DPYD: variants seen among roughly 807,000 people sequenced by gnomAD.
The protein encoded by DPYD is dihydropyrimidine dehydrogenase [NADP(+)].
Under a neutral mutation model 116.2 loss-of-function variants are expected in DPYD, and 109 were observed. The observed-to-expected ratio is 0.94, with a 90% CI of 0.80 to 1.10. The LOEUF (loss-of-function observed/expected upper bound fraction) is 1.10. DPYD is among the 50% of genes least tolerant of loss of function. The probability of loss-of-function intolerance (pLI) is 0.00; values close to 1 mark genes in which losing one functional copy is unlikely to be tolerated. For synonymous variants in DPYD, 440 were observed against 432.0 expected (o/e 1.02, Z -0.23); for missense variants, 1,302 against 1,254.5 (o/e 1.04, Z -0.57).
In DPYD at chr1:97,593,207, T is replaced by C; in HGVS notation, c.1128+11A>G. ...AGTACAACTCCATATTTTCTGATGG[T>C]TCCATTTTACCTCCTCAGGGACAGC... On this transcript the variant is annotated intron_variant, in intron 10 of 22. Transcript: ENST00000370192. 2 of 1,613,846 alleles carry C rather than the reference T, an allele frequency of 1.2e-6. No homozygotes were observed. The highest frequency in any genetic ancestry group is 1.7e-6 in the Non-Finnish European group (2 of 1,179,956).
intron 3 of DPYD, among the ~76,000 whole-genome samples, chr1:97,800,183 T>C (rs1393761107): frequency 6.6e-6 from 1 of 152,000 alleles, no homozygotes; most frequent in Non-Finnish European, 1.5e-5. Flanking sequence ...TGAGTAAATA[T>C]ATGTAAAATA....
chr1:97,190,719 A>C (rs1034356218), intron 20 of DPYD, among the ~76,000 whole-genome samples: 1 of 152,206 alleles, frequency 6.6e-6, no homozygotes, highest in African/African-American at 2.4e-5. Context: ...TAATATGCTA[A>C]TTACTTGAAA....
At chr1:97,918,918 T>C (rs572932500) in intron 1 of DPYD, among the ~76,000 whole-genome samples, 3 of 152,302 alleles carry the variant, frequency 2.0e-5, no homozygotes, top group African/African-American at 2.4e-5. Context: ...TAGACAATGG[T>C]TGTAATGAAT....
At chr1:97,369,285 C>G (rs915968718) in intron 16 of DPYD, among the ~76,000 whole-genome samples, 1 of 152,018 alleles carries the variant, frequency 6.6e-6, no homozygotes, top group African/African-American at 2.4e-5. Flanking sequence ...CAGAGAAGCA[C>G]CTTGAGTCGC....
intron 20 of DPYD, among the ~76,000 whole-genome samples, chr1:97,135,523 C>T (rs920101999): frequency 2.6e-5 from 4 of 152,222 alleles, no homozygotes; most frequent in Admixed American, 6.5e-5. Context: ...ATAATTTCTG[C>T]TGTGTCTTAA....
At chr1:97,446,610 C>A (rs1676099955) in intron 14 of DPYD, among the ~76,000 whole-genome samples, 1 of 152,196 alleles carries the variant, frequency 6.6e-6, no homozygotes, top group Admixed American at 6.5e-5. Context: ...CCTTTTCTAT[C>A]TTCACTACCT....
intron 5 of DPYD, among the ~76,000 whole-genome samples, chr1:97,717,820 ATG>A (rs140667694): frequency 3.4e-4 from 51 of 150,314 alleles, no homozygotes; most frequent in African/African-American, 8.0e-4. Context: ...GTGTGTGTGC[ATG>A]TGTGTGTGTG....
chr1:97,441,390 C>T (rs934737661), intron 14 of DPYD, among the ~76,000 whole-genome samples: 1 of 151,976 alleles, frequency 6.6e-6, no homozygotes, highest in Non-Finnish European at 1.5e-5. Flanking sequence ...ACTTCTCTCT[C>T]TTTCTCTGTT....
At chr1:97,473,419 T>G (rs1306712152) in intron 13 of DPYD, among the ~76,000 whole-genome samples, 4 of 152,218 alleles carry the variant, frequency 2.6e-5, no homozygotes, top group African/African-American at 9.6e-5. Context: ...TTGGCTATTG[T>G]GAATAATACT....
intron 18 of DPYD, among the ~76,000 whole-genome samples, chr1:97,301,857 T>C (rs984039101): frequency 6.6e-6 from 1 of 151,882 alleles, no homozygotes; most frequent in African/African-American, 2.4e-5. Flanking sequence ...GTGATAGTAA[T>C]CACTGATTTG....
intron 20 of DPYD, among the ~76,000 whole-genome samples, chr1:97,121,066 A>G (rs928238108): frequency 6.6e-6 from 1 of 152,150 alleles, no homozygotes; most frequent in African/African-American, 2.4e-5. Context: ...ACAACTCTAG[A>G]ATAAGCCAGG....
intron 16 of DPYD, among the ~76,000 whole-genome samples, chr1:97,370,269 A>T (rs563296008): frequency 2.6e-5 from 4 of 152,178 alleles, no homozygotes; most frequent in Non-Finnish European, 4.4e-5. Flanking sequence ...CTTTTCAGGG[A>T]CATGGATGAA....
At chr1:97,108,327 G>A (rs996235334) in intron 20 of DPYD, among the ~76,000 whole-genome samples, 1 of 152,072 alleles carries the variant, frequency 6.6e-6, no homozygotes, top group Admixed American at 6.6e-5. Flanking sequence ...ACATGAGGGG[G>A]TTTGACTACA....
intron 10 of DPYD, among the ~76,000 whole-genome samples, chr1:97,579,980 A>T (rs902326122): frequency 6.6e-6 from 1 of 152,202 alleles, no homozygotes; most frequent in African/African-American, 2.4e-5. Flanking sequence ...TGCAATAATG[A>T]TCATCATTTT....
intron 11 of DPYD, among the ~76,000 whole-genome samples, chr1:97,562,982 G>A (rs1435516576): frequency 6.6e-6 from 1 of 152,112 alleles, no homozygotes; most frequent in Non-Finnish European, 1.5e-5. Flanking sequence ...GCCGCCCAAA[G>A]TGCTGGGATT....
chr1:97,383,552 C>A (rs1304063209), intron 14 of DPYD, among the ~76,000 whole-genome samples: 1 of 151,758 alleles, frequency 6.6e-6, no homozygotes, highest in East Asian at 1.9e-4. Flanking sequence ...ATAGCTCTTA[C>A]AGTGTGCTTG....
chr1:97,542,968 G>A (rs965267401), intron 12 of DPYD, among the ~76,000 whole-genome samples: 4 of 151,932 alleles, frequency 2.6e-5, no homozygotes, highest in African/African-American at 9.7e-5. Flanking sequence ...TCCTGATCTC[G>A]TTTTAACAAT....
intron 12 of DPYD, among the ~76,000 whole-genome samples, chr1:97,544,042 G>A (rs1410311575): frequency 6.6e-6 from 1 of 152,142 alleles, no homozygotes; most frequent in Non-Finnish European, 1.5e-5. Flanking sequence ...AAGCTAAGAA[G>A]TTTGGCCTTT....
At chr1:97,257,970 T>A (rs571457212) in intron 18 of DPYD, among the ~76,000 whole-genome samples, 110 of 152,246 alleles carry the variant, frequency 7.2e-4, no homozygotes, top group Non-Finnish European at 1.3e-3. Flanking sequence ...TACTTGAAGA[T>A]GAAATATGAA....
Sources: gnomAD v4.1 joint callset for allele counts (sites outside exome capture counted in the v4.1 genomes callset) on GRCh38, gnomAD v4.1.1 for gene constraint, MANE v1.5 for transcripts, NCBI Gene and HGNC (gene_info 2026-07-23, HGNC 2026-07-21) for gene names.